Variants in COLEC10 observed in about 807,000 individuals in gnomAD.
COLEC10 encodes collectin subfamily member 10.
A neutral mutation model predicts 28.4 loss-of-function variants in COLEC10; 22 were observed. The observed-to-expected ratio is 0.78, with a 90% CI of 0.55 to 1.11. The LOEUF (loss-of-function observed/expected upper bound fraction) is 1.11, where lower values mean the gene tolerates loss of function less well. Ranked by LOEUF, COLEC10 falls within the 50% of genes least tolerant of loss-of-function variation. The probability of loss-of-function intolerance (pLI) is 0.00; values close to 1 mark genes in which losing one functional copy is unlikely to be tolerated. For synonymous variants in COLEC10, 125 were observed against 116.1 expected, an observed-to-expected ratio of 1.08 and a Z score of -0.49; for missense variants, 361 against 344.1, an observed-to-expected ratio of 1.05 and a Z score of -0.39.
intron 2 of COLEC10, among the ~76,000 whole-genome samples, chr8:119,057,156 C>T (rs1214254580): frequency 6.6e-6 from 1 of 151,980 alleles, no homozygotes; most frequent in Non-Finnish European, 1.5e-5. Context: ...TTCCTCCATG[C>T]TGTTCTCATC....
chr8:119,082,192 A>C (rs16891969), intron 1 of COLEC10, among the ~76,000 whole-genome samples: 2,072 of 152,218 alleles, frequency 0.014, 37 homozygotes, highest in African/African-American at 0.046. Context: ...AGAAAGAAGA[A>C]TATGGAGTGG....
At chr8:118,974,176 T>C in the COLEC10 span, among the ~76,000 whole-genome samples, 1 of 151,976 alleles carries the variant, frequency 6.6e-6, no homozygotes, top group African/African-American at 2.4e-5. Context: ...TCTATTTTTA[T>C]TTTTAGTATT....
chr8:119,062,192 T>C (rs967638514), intron 2 of COLEC10, among the ~76,000 whole-genome samples: 7 of 152,068 alleles, frequency 4.6e-5, no homozygotes, highest in Non-Finnish European at 7.4e-5. Flanking sequence ...GGAAAATATG[T>C]GTGGAAGATG....
chr8:119,002,491 G>T (rs991755659), intron 1 of COLEC10, among the ~76,000 whole-genome samples: 14 of 152,114 alleles, frequency 9.2e-5, no homozygotes, highest in African/African-American at 3.4e-4. Context: ...AATAATATTT[G>T]CCCTCAAAAG....
intron 2 of COLEC10, among the ~76,000 whole-genome samples, chr8:119,040,025 G>T (rs1042508779): frequency 6.6e-6 from 1 of 152,118 alleles, no homozygotes; most frequent in Non-Finnish European, 1.5e-5. Context: ...TTATTATTCT[G>T]CTTATCCCAA....
the COLEC10 span, among the ~76,000 whole-genome samples, chr8:118,965,863 T>C: frequency 2.6e-5 from 4 of 151,954 alleles, no homozygotes; most frequent in African/African-American, 9.7e-5. Context: ...GGCGAGTGAG[T>C]AGTGAAATTA....
At chr8:119,058,931 C>A (rs537718748) in intron 2 of COLEC10, among the ~76,000 whole-genome samples, 39 of 152,046 alleles carry the variant, frequency 2.6e-4, no homozygotes, top group African/African-American at 8.4e-4. Context: ...AGTATTGTCA[C>A]ATTTATTATT....
upstream of COLEC10, among the ~76,000 whole-genome samples, chr8:119,065,579 A>G (rs1814938083): frequency 6.6e-6 from 1 of 152,158 alleles, no homozygotes; most frequent in Non-Finnish European, 1.5e-5. Flanking sequence ...GCTTGAGGCC[A>G]GGCATGGTGG....
At chr8:119,048,775 C>T (rs1218335765) in intron 2 of COLEC10, among the ~76,000 whole-genome samples, 1 of 152,044 alleles carries the variant, frequency 6.6e-6, no homozygotes, top group Non-Finnish European at 1.5e-5. Flanking sequence ...AGGGTTGGGG[C>T]TTCTCTTTTT....
At chr8:118,991,654 T>A (rs1334487035), upstream of COLEC10, among the ~76,000 whole-genome samples, 1 of 152,118 alleles carries the variant, frequency 6.6e-6, no homozygotes, top group African/African-American at 2.4e-5. Context: ...CACTTGAACA[T>A]AAACTCTGGG....
At chr8:119,052,048 A>G (rs1455406231) in intron 2 of COLEC10, among the ~76,000 whole-genome samples, 1 of 152,174 alleles carries the variant, frequency 6.6e-6, no homozygotes, top group East Asian at 1.9e-4. Flanking sequence ...TTTCTGGGGT[A>G]ACTTTATTAG....
intron 1 of COLEC10, among the ~76,000 whole-genome samples, chr8:119,071,763 C>A (rs533760836): frequency 6.6e-6 from 1 of 152,248 alleles, no homozygotes; most frequent in African/African-American, 2.4e-5. Context: ...GAGCTCCCGA[C>A]ACATAGTGGG....
At chr8:118,956,514 G>A in the COLEC10 span, among the ~76,000 whole-genome samples, 1 of 152,250 alleles carries the variant, frequency 6.6e-6, no homozygotes, top group Admixed American at 6.5e-5. Context: ...TCAGCTCAAG[G>A]AAGAGATACA....
the COLEC10 span, among the ~76,000 whole-genome samples, chr8:118,978,690 T>C: frequency 2.1e-3 from 318 of 152,180 alleles, 1 homozygote; most frequent in African/African-American, 5.2e-3. Context: ...TTTTATATGT[T>C]CTGATTGCTG....
At chr8:119,067,512 AC>A (rs1227432217) in intron 1 of COLEC10, 83 bp downstream of exon 1, 2 of 1,286,926 alleles carry the variant, frequency 1.6e-6, no homozygotes, top group Non-Finnish European at 2.2e-6. Context: ...GATTTCAATG[AC>A]TTTCTCTTCT....
intron 2 of COLEC10, among the ~76,000 whole-genome samples, chr8:119,016,026 C>G (rs767412584): frequency 2.0e-5 from 3 of 152,028 alleles, no homozygotes; most frequent in Non-Finnish European, 4.4e-5. Context: ...GGAAACTGGG[C>G]TTTTTATTTT....
At chr8:119,055,292 G>A (rs944413079) in intron 2 of COLEC10, among the ~76,000 whole-genome samples, 1 of 152,052 alleles carries the variant, frequency 6.6e-6, no homozygotes, top group Non-Finnish European at 1.5e-5. Context: ...AGGAAGAACA[G>A]GAAGTGGCAA....
At chr8:119,071,244 A>C (rs1815118803) in intron 1 of COLEC10, among the ~76,000 whole-genome samples, 2 of 152,086 alleles carry the variant, frequency 1.3e-5, no homozygotes, top group South Asian at 4.2e-4. Context: ...TTACTTCATT[A>C]ATTTGTTTGG....
chr8:119,100,478 G>A (rs1563744106), intron 3 of COLEC10, among the ~76,000 whole-genome samples: 1 of 152,128 alleles, frequency 6.6e-6, no homozygotes, highest in African/African-American at 2.4e-5. Context: ...ACAGGTAAGA[G>A]AAATAAGGAA....
Sources: gnomAD v4.1 joint callset for allele counts (sites outside exome capture counted in the v4.1 genomes callset) on GRCh38, gnomAD v4.1.1 for gene constraint, MANE v1.5 for transcripts, NCBI Gene and HGNC (gene_info 2026-07-23, HGNC 2026-07-21) for gene names.